GOLPH3L: variants seen among roughly 807,000 people sequenced by gnomAD.
GOLPH3L encodes golgi phosphoprotein 3 like, also known as Golgi phosphoprotein 3-like.
In GOLPH3L, 22 loss-of-function variants were observed where a neutral mutation model predicts 30.3. The ratio of observed to expected loss-of-function variants is 0.73; its 90% CI spans 0.52 to 1.04. GOLPH3L has a LOEUF of 1.04. Ranked by LOEUF, GOLPH3L falls within the 50% of genes least tolerant of loss-of-function variation. The pLI, the probability that GOLPH3L is intolerant of heterozygous loss-of-function variation, is 0.00. For missense variants in GOLPH3L, 303 were observed against 345.8 expected (o/e 0.88, Z 0.98); for synonymous variants, 120 against 128.2 (o/e 0.94, Z 0.43).
chr1:150,680,142 G>A lies in GOLPH3L; in HGVS notation c.183+14514C>T, dbSNP rs370688686. On this transcript the variant is annotated intron_variant, in intron 2 of 4. Coordinates refer to ENST00000271732, the MANE Select transcript of GOLPH3L (RefSeq NM_018178.6). ...AGATTGGAGGTAATAAGATAAAGAAGCAAAAATGGGAATGGAAAGGAGGTA... is the reference window on the plus strand; with the variant it reads ...AGATTGGAGGTAATAAGATAAAGAAACAAAAATGGGAATGGAAAGGAGGTA... 3.2e-4 allele frequency among the ~76,000 whole-genome samples: 49 copies of A among 152,106 alleles called. 1 individual carries two copies. The East Asian group carries it at 7.7e-3, about 24-fold the overall frequency.
intron 4 of GOLPH3L, among the ~76,000 whole-genome samples, chr1:150,660,688 A>G (rs1650349063): frequency 6.6e-6 from 1 of 152,202 alleles, no homozygotes; most frequent in African/African-American, 2.4e-5. Context: ...GAAAGTAATG[A>G]CAGATATTGT....
At chr1:150,653,522 G>A (rs1360207862) in intron 4 of GOLPH3L, among the ~76,000 whole-genome samples, 1 of 141,518 alleles carries the variant, frequency 7.1e-6, no homozygotes, top group Non-Finnish European at 1.5e-5. Context: ...ATGGAGTGGT[G>A]TGATCTTGGC....
chr1:150,664,209 G>A (rs1650443248), intron 2 of GOLPH3L, among the ~76,000 whole-genome samples: 1 of 151,970 alleles, frequency 6.6e-6, no homozygotes, highest in Admixed American at 6.6e-5. Context: ...TTGCTATGTT[G>A]CCTACGCTGG....
At chr1:150,653,455 CTTTT>C (rs71086589) in intron 4 of GOLPH3L, among the ~76,000 whole-genome samples, 3 of 62,654 alleles carry the variant, frequency 4.8e-5, no homozygotes, top group Non-Finnish European at 9.8e-5. Context: ...TTGAAAGCAA[CTTTT>C]TTTTTTTTTT....
chr1:150,687,586 C>T (rs1265033801), intron 2 of GOLPH3L, among the ~76,000 whole-genome samples: 4 of 148,952 alleles, frequency 2.7e-5, no homozygotes, highest in African/African-American at 9.8e-5. Flanking sequence ...AAAAAAAAAA[C>T]AAAAAAAAAC....
chr1:150,665,410 T>A (rs1650476695), intron 2 of GOLPH3L, among the ~76,000 whole-genome samples: 2 of 152,172 alleles, frequency 1.3e-5, no homozygotes, highest in South Asian at 4.2e-4. Context: ...CACTGTAGAC[T>A]TGAACTCCAG....
chr1:150,679,335 A>C (rs587721314), intron 2 of GOLPH3L, among the ~76,000 whole-genome samples: 81 of 152,294 alleles, frequency 5.3e-4, no homozygotes, highest in African/African-American at 1.9e-3. Flanking sequence ...TCACTATTCT[A>C]CTAGGCAAAA....
intron 2 of GOLPH3L, among the ~76,000 whole-genome samples, chr1:150,689,219 C>T (rs952352321): frequency 6.6e-6 from 1 of 151,916 alleles, no homozygotes; most frequent in Non-Finnish European, 1.5e-5. Context: ...AGAAAGCTTT[C>T]CAAGAAAGAG....
chr1:150,649,944 A>G (rs1189173780), intron 4 of GOLPH3L, among the ~76,000 whole-genome samples: 1 of 152,096 alleles, frequency 6.6e-6, no homozygotes, highest in Non-Finnish European at 1.5e-5. Context: ...CTGAGATTGT[A>G]CCACTGCACT....
intron 2 of GOLPH3L, among the ~76,000 whole-genome samples, chr1:150,665,504 T>C (rs1401991895): frequency 6.6e-6 from 1 of 152,146 alleles, no homozygotes; most frequent in South Asian, 2.1e-4. Flanking sequence ...AATAACTATT[T>C]AAAAAATTTT....
rs587629412 is a variant in GOLPH3L, at chr1:150,691,923, T to C, written c.183+2733A>G. On this transcript the variant is annotated intron_variant, in intron 2 of 4. Transcript: ENST00000271732. ...GATGACTCTTTTTTTTTTTTGATGA[T>C]TCATTTTTATCCATTCTGCTGTTGA... 2.6e-5 allele frequency among the ~76,000 whole-genome samples: 4 copies of C among 152,028 alleles called. No homozygotes were observed. The South Asian group carries it at 6.2e-4, about 24-fold the overall frequency.
chr1:150,649,498 G>C (rs1318931495), intron 4 of GOLPH3L, among the ~76,000 whole-genome samples: 1 of 152,220 alleles, frequency 6.6e-6, no homozygotes, highest in Non-Finnish European at 1.5e-5. Context: ...GGTGCTGCTA[G>C]CTCTATGGCA....
chr1:150,655,715 G>T (rs1257267227), intron 4 of GOLPH3L, among the ~76,000 whole-genome samples: 1 of 152,050 alleles, frequency 6.6e-6, no homozygotes, highest in Non-Finnish European at 1.5e-5. Flanking sequence ...ATTAGAAAAC[G>T]GACACAGCTC....
At chr1:150,676,222 C>A (rs1392805374) in intron 2 of GOLPH3L, among the ~76,000 whole-genome samples, 1 of 152,112 alleles carries the variant, frequency 6.6e-6, no homozygotes, top group African/African-American at 2.4e-5. Context: ...GATGCTCCTG[C>A]CTTGGCCTCT....
chr1:150,660,273 G>A (rs1650338829), intron 4 of GOLPH3L, among the ~76,000 whole-genome samples: 1 of 151,872 alleles, frequency 6.6e-6, no homozygotes, highest in Non-Finnish European at 1.5e-5. Flanking sequence ...AAAAAGAAAA[G>A]AAAGAGAAGA....
intron 2 of GOLPH3L, among the ~76,000 whole-genome samples, chr1:150,678,993 T>G (rs796085907): frequency 2.0e-5 from 3 of 152,258 alleles, no homozygotes; most frequent in African/African-American, 7.2e-5. Flanking sequence ...GAAGTAAGAT[T>G]TCTTCTTTTT....
At chr1:150,673,730 A>G (rs1650697252) in intron 2 of GOLPH3L, among the ~76,000 whole-genome samples, 1 of 151,482 alleles carries the variant, frequency 6.6e-6, no homozygotes, top group South Asian at 2.1e-4. Context: ...GGAGTTCAGG[A>G]CCAGCCTGGG....
intron 2 of GOLPH3L, among the ~76,000 whole-genome samples, chr1:150,693,797 ATGTGTGTG>A (rs796936730): frequency 1.3e-4 from 8 of 60,990 alleles, no homozygotes; most frequent in Non-Finnish European, 2.1e-4. Context: ...TTGTTTATGT[ATGTGTGTG>A]TGTGTGTGTG....
rs946099428 is a variant in GOLPH3L, at chr1:150,646,379, G to T, written c.*1942C>A. 2.6e-5 allele frequency: 4 copies of T among 152,164 alleles called. No homozygotes were observed. Among genetic ancestry groups the T allele is most frequent in the Non-Finnish European group, 5.9e-5 (4 of 68,030 alleles). The allele number at this position is 152,164 out of a possible 1,614,324, so 9.4% of individuals were successfully genotyped here. On this transcript the variant is annotated 3_prime_UTR_variant, in exon 5 of 5. Coordinates refer to ENST00000271732, the MANE Select transcript of GOLPH3L (RefSeq NM_018178.6). ...AATAAACACTAAGAGTTGCAAGAAA[G>T]AACTCAATTCAACTTCTATCTCCCA...
Sources: gnomAD v4.1 joint callset for allele counts (sites outside exome capture counted in the v4.1 genomes callset) on GRCh38, gnomAD v4.1.1 for gene constraint, MANE v1.5 for transcripts, NCBI Gene and HGNC (gene_info 2026-07-23, HGNC 2026-07-21) for gene names.